The following COL8A1 variants were observed in gnomAD, a reference collection of about 807,000 sequenced individuals.
COL8A1 encodes the protein collagen alpha-1(VIII) chain.
A neutral mutation model predicts 42.7 loss-of-function variants in COL8A1; 21 were observed. The observed-to-expected ratio is 0.49, with a 90% CI of 0.35 to 0.71. COL8A1 has a LOEUF of 0.71. COL8A1 is among the 30% of genes least tolerant of loss of function. COL8A1 has a pLI of 0.01. For synonymous variants in COL8A1, 367 were observed against 369.1 expected, an observed-to-expected ratio of 0.99 and a Z score of 0.06; for missense variants, 788 against 962.4, an observed-to-expected ratio of 0.82 and a Z score of 2.40.
rs1942087177 is a variant in COL8A1 at position 99,795,527 on chromosome 3, C to T, written c.1626C>T (p.Gly542=). ...AACCCGGAGTGGCAGGACTTCATGGCCCCCCAGGGAAGCCTGGTGCCCTTG... is the reference window on the plus strand; with the variant it reads ...AACCCGGAGTGGCAGGACTTCATGGTCCCCCAGGGAAGCCTGGTGCCCTTG... The part of the protein sequence containing the change: ...IGKPGVAGLH[G]PPGKPGALGP... The change falls in exon 4 of 4, where the codon GGC becomes GGT. Residue 542 remains glycine, a synonymous_variant. Coordinates refer to ENST00000652472, the MANE Select transcript of COL8A1 (RefSeq NM_020351.4). 2 of 1,592,862 alleles carry T rather than the reference C, an allele frequency of 1.3e-6. No individual in the cohort carries two copies. Among genetic ancestry groups the T allele is most frequent in the South Asian group, 1.1e-5 (1 of 89,004 alleles).
chr3:99,784,084 A>G (rs2107450049), intron 2 of COL8A1, among the ~76,000 whole-genome samples: 1 of 152,346 alleles, frequency 6.6e-6, no homozygotes, highest in Middle Eastern at 3.4e-3. Flanking sequence ...ATGCAAAAGG[A>G]GGGCCTTGAT....
At chr3:99,791,353 G>A (rs1341726973) in intron 3 of COL8A1, among the ~76,000 whole-genome samples, 1 of 152,156 alleles carries the variant, frequency 6.6e-6, no homozygotes, top group Non-Finnish European at 1.5e-5. Context: ...CAGATGCTGG[G>A]AGCTAAAGCA....
chr3:99,716,265 G>A (rs1252311042), intron 1 of COL8A1, among the ~76,000 whole-genome samples: 1 of 151,942 alleles, frequency 6.6e-6, no homozygotes, highest in Non-Finnish European at 1.5e-5. Flanking sequence ...AGATTCTCTT[G>A]AGCAATCTAA....
chr3:99,788,306 G>A (rs1385165459), intron 2 of COL8A1, among the ~76,000 whole-genome samples: 1 of 152,178 alleles, frequency 6.6e-6, no homozygotes, highest in Non-Finnish European at 1.5e-5. Flanking sequence ...GCCTATGAGA[G>A]GAAATAATTC....
intron 1 of COL8A1, among the ~76,000 whole-genome samples, chr3:99,659,837 C>T (rs912855086): frequency 6.6e-6 from 1 of 152,098 alleles, no homozygotes; most frequent in Non-Finnish European, 1.5e-5. Context: ...ACCTTCCTCC[C>T]GAGACTCTGT....
rs527452572 is a variant in COL8A1 at position 99,657,618 on chromosome 3, A to G, written c.-129+18954A>G. 9.2e-4 allele frequency among the ~76,000 whole-genome samples: 140 copies of G among 152,206 alleles called. 4 individuals carry two copies. In the South Asian group the frequency reaches 0.027, roughly 29 times the overall value. On this transcript the variant is annotated intron_variant, in intron 1 of 3. Coordinates refer to ENST00000652472, the MANE Select transcript of COL8A1 (RefSeq NM_020351.4). Reference sequence around the variant, plus strand: ...GCGAGGATGAAACACCCTCAACTTAACGCATCTTAGCTTCAGGCCATCCTG... The same window carrying G: ...GCGAGGATGAAACACCCTCAACTTAGCGCATCTTAGCTTCAGGCCATCCTG...
chr3:99,736,538 G>A (rs1940721645), intron 1 of COL8A1, among the ~76,000 whole-genome samples: 1 of 152,090 alleles, frequency 6.6e-6, no homozygotes, highest in African/African-American at 2.4e-5. Flanking sequence ...TAGTTGAGCG[G>A]TTTTGAGTGA....
At chr3:99,713,456 A>T (rs1318558793) in intron 1 of COL8A1, among the ~76,000 whole-genome samples, 2 of 152,226 alleles carry the variant, frequency 1.3e-5, no homozygotes, top group South Asian at 2.1e-4. Context: ...GAAACCAGTA[A>T]AGCTCACACT....
In COL8A1 at chr3:99,795,689, A is replaced by AC. The variant is rs753058238; in HGVS notation, c.1795dup (p.His599ProfsTer6). ...TGGGGCTGGGAATTGATGGCGTGAA[A>AC]CCCCCCCATGCCTACGGGGCTAAGA... is the stretch of plus-strand genomic sequence containing the variant. On this transcript the variant is annotated frameshift_variant, in exon 4 of 4. Transcript: ENST00000652472. LOFTEE classifies it high-confidence loss of function. The AC allele has an allele frequency of 1.1e-5, 17 of 1,611,018 alleles. No homozygotes were observed. Among genetic ancestry groups the AC allele is most frequent in the Non-Finnish European group, 1.2e-5 (14 of 1,179,218 alleles).
chr3:99,750,307 T>A (rs1029297923), intron 2 of COL8A1, among the ~76,000 whole-genome samples: 1 of 152,094 alleles, frequency 6.6e-6, no homozygotes, highest in Non-Finnish European at 1.5e-5. Flanking sequence ...TCCGCCCACC[T>A]CAGCCTCCCA....
intron 1 of COL8A1, among the ~76,000 whole-genome samples, chr3:99,701,501 TC>T (rs1431205913): frequency 6.6e-6 from 1 of 152,198 alleles, no homozygotes; most frequent in Non-Finnish European, 1.5e-5. Context: ...CCTGCAGGGA[TC>T]TGCATTCTCC....
chr3:99,701,945 C>G (rs1939552846), intron 1 of COL8A1, among the ~76,000 whole-genome samples: 1 of 152,172 alleles, frequency 6.6e-6, no homozygotes, highest in Non-Finnish European at 1.5e-5. Context: ...TTACTCTCCT[C>G]TACCCTCTCA....
chr3:99,773,809 A>ATGTG (rs760430190), intron 2 of COL8A1, among the ~76,000 whole-genome samples: 1 of 61,650 alleles, frequency 1.6e-5, no homozygotes, highest in Non-Finnish European at 3.2e-5. Context: ...GATTATATAT[A>ATGTG]TGTGTGTATA....
chr3:99,729,696 T>TA (rs1435654991), intron 1 of COL8A1, among the ~76,000 whole-genome samples: 1 of 151,980 alleles, frequency 6.6e-6, no homozygotes, highest in Non-Finnish European at 1.5e-5. Flanking sequence ...TTAGTTTTTG[T>TA]AAAAAATCAG....
chr3:99,687,393 C>A (rs1374674823), intron 1 of COL8A1, among the ~76,000 whole-genome samples: 1 of 152,148 alleles, frequency 6.6e-6, no homozygotes, highest in African/African-American at 2.4e-5. Context: ...TGCTGTTAGG[C>A]ATCATGCAAA....
intron 1 of COL8A1, among the ~76,000 whole-genome samples, chr3:99,744,408 A>G (rs545362691): frequency 3.3e-5 from 5 of 152,250 alleles, no homozygotes; most frequent in Non-Finnish European, 7.3e-5. Flanking sequence ...AATTGTGCCA[A>G]AAACTCATAT....
chr3:99,670,747 A>G lies in COL8A1; in HGVS notation c.-129+32083A>G, dbSNP rs553676428. Among the ~76,000 whole-genome samples the G allele has an allele frequency of 2.0e-5, 3 of 152,102 alleles. No homozygotes were observed. The East Asian group carries it at 5.8e-4, about 29-fold the overall frequency. On this transcript the variant is annotated intron_variant, in intron 1 of 3. Transcript: ENST00000652472. Reference sequence around the variant, plus strand: ...CCTGTCTGTGCCCTTTTCATCAACAAGCCCTCATTTCCTCCCTCCCCATAC... The same window carrying G: ...CCTGTCTGTGCCCTTTTCATCAACAGGCCCTCATTTCCTCCCTCCCCATAC...
At chr3:99,663,952 A>G (rs964070268) in intron 1 of COL8A1, among the ~76,000 whole-genome samples, 4 of 152,178 alleles carry the variant, frequency 2.6e-5, no homozygotes, top group African/African-American at 4.8e-5. Context: ...CCTGCACACA[A>G]TGGACACTCC....
chr3:99,679,183 G>A (rs1938791447), intron 1 of COL8A1: 1 of 152,184 alleles, frequency 6.6e-6, no homozygotes, highest in Non-Finnish European at 1.5e-5. Context: ...AGATGTGCTT[G>A]AAAATACTCA....
Sources: allele counts gnomAD v4.1 joint callset (sites outside exome capture counted in the v4.1 genomes callset), GRCh38; gene constraint gnomAD v4.1.1; transcripts MANE v1.5; gene names NCBI Gene and HGNC (gene_info 2026-07-23, HGNC 2026-07-21).